The following ATP9B variants were observed in gnomAD, a reference collection of about 807,000 sequenced individuals.
ATP9B encodes the protein ATPase phospholipid transporting 9B, also known as probable phospholipid-transporting ATPase IIB.
In ATP9B, 110 loss-of-function variants were observed where a neutral mutation model predicts 146.1. The ratio of observed to expected loss-of-function variants is 0.75; its 90% confidence interval spans 0.65 to 0.88. ATP9B has a LOEUF of 0.88. Among genes scored for constraint, ATP9B ranks in the 40% least tolerant of loss-of-function variants. The probability of loss-of-function intolerance (pLI) is 0.00; values close to 1 mark genes in which losing one functional copy is unlikely to be tolerated. For missense variants in ATP9B, 1,499 were observed against 1,496.4 expected, an observed-to-expected ratio of 1.00 and a Z score of -0.03; for synonymous variants, 604 against 569.7, an observed-to-expected ratio of 1.06 and a Z score of -0.86.
At chr18:79,290,930 C>T (rs941437326) in intron 13 of ATP9B, among the ~76,000 whole-genome samples, 2 of 152,124 alleles carry the variant, frequency 1.3e-5, no homozygotes, top group African/African-American at 4.8e-5. Context: ...TCACTGGCTC[C>T]CTTTTGTATG....
At chr18:79,215,103 G>C (rs550150504) in intron 11 of ATP9B, among the ~76,000 whole-genome samples, 1 of 140,758 alleles carries the variant, frequency 7.1e-6, no homozygotes, top group Non-Finnish European at 1.5e-5. Context: ...AGCCAAGATC[G>C]CACCATTGCA....
rs2095497063 is a variant in ATP9B, at chr18:79,202,393, A to G, written c.955-4544A>G. Among the ~76,000 whole-genome samples, 5 of 152,334 alleles carry G rather than the reference A, an allele frequency of 3.3e-5. No homozygotes were observed. In the South Asian group the frequency reaches 1.0e-3, roughly 32 times the overall value. ...ACATTCCCAGTTAGTCATTTTGAGA[A>G]TGTATTTTCTGCTGTAATTTCTTTT... On this transcript the variant is annotated intron_variant, in intron 9 of 29. Coordinates refer to ENST00000426216, the MANE Select transcript of ATP9B (RefSeq NM_198531.5).
intron 11 of ATP9B, among the ~76,000 whole-genome samples, chr18:79,228,281 A>C (rs2095755775): frequency 6.6e-6 from 1 of 152,230 alleles, no homozygotes; most frequent in African/African-American, 2.4e-5. Context: ...GAACAGACTG[A>C]ATTCACTGTG....
chr18:79,327,300 G>A (rs536073383), intron 15 of ATP9B, among the ~76,000 whole-genome samples: 1 of 152,312 alleles, frequency 6.6e-6, no homozygotes, highest in East Asian at 1.9e-4. Flanking sequence ...TTAAGAAGAG[G>A]ACTCACCCAG....
chr18:79,200,762 C>CTGTCGGGGTCAGAGCAGAGGTGGAGGTG (rs376428579), intron 9 of ATP9B, among the ~76,000 whole-genome samples: 1 of 26,788 alleles, frequency 3.7e-5, no homozygotes, highest in African/African-American at 1.2e-4. Flanking sequence ...GAGGTGGGAA[C>CTGTCGGGGTCAGAGCAGAGGTGGAGGTG]GTTGGGGTCA....
intron 1 of ATP9B, among the ~76,000 whole-genome samples, chr18:79,072,917 G>A (rs2146381100): frequency 6.6e-6 from 1 of 151,944 alleles, no homozygotes; most frequent in Non-Finnish European, 1.5e-5. Flanking sequence ...CCCAGACAGG[G>A]CGGCCGGGCA....
At chr18:79,353,254 C>T (rs2096931802) in intron 25 of ATP9B, 1 of 152,320 alleles carries the variant, frequency 6.6e-6, no homozygotes, top group Non-Finnish European at 1.5e-5. Flanking sequence ...AGCAACCTCC[C>T]TCCTCAGTGT....
chr18:79,134,480 T>C (rs1231401248), intron 5 of ATP9B, among the ~76,000 whole-genome samples: 2 of 152,180 alleles, frequency 1.3e-5, no homozygotes, highest in Non-Finnish European at 2.9e-5. Context: ...GTCATTGGCA[T>C]GGCATGTGGT....
At chr18:79,084,851 T>C (rs1163151030) in intron 1 of ATP9B, among the ~76,000 whole-genome samples, 1 of 152,286 alleles carries the variant, frequency 6.6e-6, no homozygotes, top group Non-Finnish European at 1.5e-5. Context: ...AAAGATAACG[T>C]TGGTTAGTTG....
chr18:79,082,930 G>A (rs951977034), intron 1 of ATP9B, among the ~76,000 whole-genome samples: 40 of 152,336 alleles, frequency 2.6e-4, no homozygotes, highest in African/African-American at 9.4e-4. Flanking sequence ...GAGCTCAAGC[G>A]CTGTGCTGGG....
intron 2 of ATP9B, among the ~76,000 whole-genome samples, chr18:79,101,836 T>G (rs2075300074): frequency 6.6e-6 from 1 of 152,228 alleles, no homozygotes; most frequent in Non-Finnish European, 1.5e-5. Flanking sequence ...CTACTTGTGT[T>G]GTTTATTATT....
intron 7 of ATP9B, among the ~76,000 whole-genome samples, chr18:79,162,671 A>G (rs1010247305): frequency 2.6e-5 from 4 of 150,964 alleles, no homozygotes; most frequent in African/African-American, 9.7e-5. Flanking sequence ...TGAAAATTTC[A>G]TGCAGAGTCA....
chr18:79,344,223 GACA>G (rs749091115), intron 20 of ATP9B, 39 bp from the exon 21 acceptor site: 4 of 1,560,880 alleles, frequency 2.6e-6, no homozygotes, highest in Non-Finnish European at 2.6e-6. Flanking sequence ...CTGTAACTTA[GACA>G]ACATTTTAAT....
At chr18:79,101,343 C>T (rs1177842434) in intron 2 of ATP9B, among the ~76,000 whole-genome samples, 1 of 151,818 alleles carries the variant, frequency 6.6e-6, no homozygotes, top group Non-Finnish European at 1.5e-5. Context: ...ATTTTTTTTC[C>T]ATATTGTAGT....
At chr18:79,305,299 C>G (rs1371290386) in intron 14 of ATP9B, among the ~76,000 whole-genome samples, 1 of 152,224 alleles carries the variant, frequency 6.6e-6, no homozygotes, top group African/African-American at 2.4e-5. Context: ...TGAAAACCTT[C>G]TCTTTCTTGT....
intron 2 of ATP9B, among the ~76,000 whole-genome samples, chr18:79,098,727 ATGT>A (rs1247961047): frequency 1.3e-5 from 2 of 152,230 alleles, no homozygotes; most frequent in African/African-American, 4.8e-5. Flanking sequence ...TTATATTTCA[ATGT>A]TGTCTATCAT....
intron 12 of ATP9B, among the ~76,000 whole-genome samples, chr18:79,264,040 G>A (rs943029101): frequency 1.3e-5 from 2 of 152,040 alleles, no homozygotes; most frequent in Non-Finnish European, 2.9e-5. Context: ...AGCCGAGATC[G>A]CGCCACTGCA....
Position 79,194,385 on chromosome 18 carries a change from GTCGGAAATGT to G in ATP9B, c.954+1126_954+1135del, listed in dbSNP as rs1180957688. The G allele has an allele frequency of 2.0e-5, 3 of 152,226 alleles. No individual in the cohort carries two copies. In the East Asian group the frequency reaches 5.8e-4, roughly 29 times the overall value. 9.4% of individuals were successfully genotyped at this position (152,226 alleles called of 1,614,324 possible). On this transcript the variant is annotated intron_variant, in intron 9 of 29. Transcript: ENST00000426216. ...TTTATATTGCTCATGACTTTGAAAA[GTCGGAAATGT>G]TCGCTAGACAATGTGTGGAAGTACA...
At chr18:79,094,878 G>A (rs2074656291) in intron 1 of ATP9B, among the ~76,000 whole-genome samples, 1 of 152,192 alleles carries the variant, frequency 6.6e-6, no homozygotes, top group African/African-American at 2.4e-5. Context: ...GTTGTGATCA[G>A]AAATATGATT....
Sources: allele counts gnomAD v4.1 joint callset (sites outside exome capture counted in the v4.1 genomes callset), GRCh38; gene constraint gnomAD v4.1.1; transcripts MANE v1.5; gene names NCBI Gene and HGNC (gene_info 2026-07-23, HGNC 2026-07-21).